The following MSI2 variants were observed in gnomAD, a reference collection of about 807,000 sequenced individuals.
MSI2 encodes the protein RNA-binding protein Musashi homolog 2.
MSI2 carries 17 observed loss-of-function variants against 45.6 expected under a neutral mutation model. That is an observed-to-expected ratio of 0.37 (90% CI 0.26 to 0.56). The LOEUF (loss-of-function observed/expected upper bound fraction) is 0.56. MSI2 is among the 20% of genes least tolerant of loss of function. The probability of loss-of-function intolerance (pLI) is 0.77; values close to 1 mark genes in which losing one functional copy is unlikely to be tolerated. For synonymous variants in MSI2, 156 were observed against 158.2 expected, an observed-to-expected ratio of 0.99 and a Z score of 0.11; for missense variants, 293 against 444.2, an observed-to-expected ratio of 0.66 and a Z score of 3.06.
intron 7 of MSI2, among the ~76,000 whole-genome samples, chr17:57,547,179 C>T (rs180720596): frequency 3.3e-5 from 5 of 152,226 alleles, no homozygotes; most frequent in African/African-American, 9.6e-5. Context: ...GTTGGTAGGA[C>T]AGGTGGAGGG....
intron 5 of MSI2, among the ~76,000 whole-genome samples, chr17:57,268,986 G>A (rs1364182930): frequency 6.6e-6 from 1 of 152,168 alleles, no homozygotes; most frequent in South Asian, 2.1e-4. Flanking sequence ...TTAGCTCCAG[G>A]TTGGGAGGAG....
intron 6 of MSI2, among the ~76,000 whole-genome samples, chr17:57,418,789 A>G (rs1426637128): frequency 6.6e-6 from 1 of 152,216 alleles, no homozygotes; most frequent in Non-Finnish European, 1.5e-5. Context: ...GGTGGTAATC[A>G]CTTTTCTAAA....
In MSI2 at chr17:57,681,941, TC is replaced by T; in HGVS notation, c.*2429del. 4.7e-6 allele frequency: 1 copy of T among 211,646 alleles called. No individual in the cohort carries two copies. The highest frequency in any genetic ancestry group is 7.1e-5 in the East Asian group (1 of 14,120). The allele number at this position is 211,646 out of a possible 1,614,324, so 13.1% of individuals were successfully genotyped here. On this transcript the variant is annotated 3_prime_UTR_variant, in exon 14 of 14. Transcript: ENST00000284073. ...TGTACTTCCCTTCCTTTTCTCTGCA[TC>T]CCCCATCACCTCATAGAAGACTCTT...
Position 57,430,542 on chromosome 17 carries a change from G to A in MSI2, c.405+29071G>A, listed in dbSNP as rs1486793373. Among the ~76,000 whole-genome samples, 13 of 152,182 alleles carry A rather than the reference G, an allele frequency of 8.5e-5. No individual in the cohort carries two copies. The South Asian group carries it at 1.5e-3, about 17-fold the overall frequency. On this transcript the variant is annotated intron_variant, in intron 6 of 13. Transcript: ENST00000284073. ...TTCCTTCATTCACTCAAAAGTTCTC[G>A]TTAATATGCATGCCTCTAAAGCAAT...
intron 11 of MSI2, among the ~76,000 whole-genome samples, chr17:57,662,783 T>C (rs538111477): frequency 1.4e-3 from 217 of 152,314 alleles, no homozygotes; most frequent in African/African-American, 4.6e-3. Flanking sequence ...TAAGTATTTT[T>C]TGCACCTGCT....
At chr17:57,343,568 C>G (rs980026355) in intron 5 of MSI2, among the ~76,000 whole-genome samples, 8 of 152,094 alleles carry the variant, frequency 5.3e-5, no homozygotes, top group African/African-American at 1.9e-4. Context: ...ATTCCCTTAC[C>G]AACTTCAGTC....
chr17:57,273,580 A>G (rs2143301347), intron 5 of MSI2, among the ~76,000 whole-genome samples: 2 of 152,148 alleles, frequency 1.3e-5, no homozygotes, highest in East Asian at 3.9e-4. Context: ...CACTTGCTGA[A>G]AGAATTCAAT....
At chr17:57,528,032 A>G (rs1416803745) in intron 6 of MSI2, among the ~76,000 whole-genome samples, 2 of 152,252 alleles carry the variant, frequency 1.3e-5, no homozygotes, top group South Asian at 2.1e-4. Flanking sequence ...AACGGTGCTC[A>G]GTCCTTCTTA....
At chr17:57,440,756 T>C (rs1179283729) in intron 6 of MSI2, 1 of 151,932 alleles carries the variant, frequency 6.6e-6, no homozygotes, top group Non-Finnish European at 1.5e-5. Flanking sequence ...ACTGAGGAGG[T>C]GGGGAAGCAG....
chr17:57,263,308 G>A (rs965194271), intron 5 of MSI2, among the ~76,000 whole-genome samples: 14 of 152,068 alleles, frequency 9.2e-5, no homozygotes, highest in African/African-American at 3.4e-4. Flanking sequence ...CTTTTTTAAA[G>A]ATGGAAACAC....
At chr17:57,265,420 A>T (rs1907681599) in intron 5 of MSI2, 1 of 152,230 alleles carries the variant, frequency 6.6e-6, no homozygotes, top group African/African-American at 2.4e-5. Context: ...TTAAAACAAG[A>T]CTAGTGGAAA....
intron 7 of MSI2, among the ~76,000 whole-genome samples, chr17:57,574,507 A>T (rs534338136): frequency 9.2e-5 from 14 of 152,284 alleles, no homozygotes; most frequent in Non-Finnish European, 1.6e-4. Context: ...CAGGTCAAGG[A>T]TGCAATTCTG....
the MSI2 span, among the ~76,000 whole-genome samples, chr17:57,690,799 A>T: frequency 6.6e-6 from 1 of 152,226 alleles, no homozygotes; most frequent in Admixed American, 6.5e-5. Context: ...AATCCAATTT[A>T]TCAATCTTTT....
intron 6 of MSI2, among the ~76,000 whole-genome samples, chr17:57,486,246 T>A (rs1044619261): frequency 6.6e-6 from 1 of 152,230 alleles, no homozygotes; most frequent in African/African-American, 2.4e-5. Context: ...AACAGGTTCA[T>A]AAGCGTTTGT....
rs985736583 is a variant in MSI2 at position 57,652,703 on chromosome 17, A to G, written c.790+542A>G. Among the ~76,000 whole-genome samples, 5 of 151,674 alleles carry G rather than the reference A, an allele frequency of 3.3e-5. No individual in the cohort carries two copies. The highest frequency in any genetic ancestry group is 1.2e-4 in the African/African-American group (5 of 41,240). ...TTTCTGGAGCCGCTGTGCCTCCCAG[A>G]CTCTTCTTAGCCAGACTCCTCAGCT... On this transcript the variant is annotated intron_variant, in intron 11 of 13. Coordinates refer to ENST00000284073, the MANE Select transcript of MSI2 (RefSeq NM_138962.4). This position sits in a 1 kb window ranked among gnomAD's most constrained non-coding sequence, Gnocchi z 4.1.
intron 11 of MSI2, among the ~76,000 whole-genome samples, chr17:57,654,371 C>T (rs555130551): frequency 2.5e-4 from 38 of 152,344 alleles, no homozygotes; most frequent in African/African-American, 9.1e-4. Context: ...GGAAAGGAAG[C>T]GTTCTGCCTT....
chr17:57,591,193 A>G (rs1221281498), intron 7 of MSI2, among the ~76,000 whole-genome samples: 1 of 152,064 alleles, frequency 6.6e-6, no homozygotes, highest in Non-Finnish European at 1.5e-5. Context: ...CCTCAGTTTG[A>G]TGGGCCTTCA....
intron 6 of MSI2, among the ~76,000 whole-genome samples, chr17:57,406,235 T>C (rs1483879595): frequency 1.3e-5 from 2 of 152,092 alleles, no homozygotes; most frequent in African/African-American, 2.4e-5. Context: ...GATATGCCCG[T>C]GTAGACCCTG....
rs185537386 is a variant in MSI2 at position 57,341,696 on chromosome 17, T to G, written c.313-59683T>G. ...TTCTTGCTTGTATTGTACACCTTAGTGTGTTTTTTCTTTTCTTGCTTTATT... is the reference window on the plus strand; with the variant it reads ...TTCTTGCTTGTATTGTACACCTTAGGGTGTTTTTTCTTTTCTTGCTTTATT... On this transcript the variant is annotated intron_variant, in intron 5 of 13. Coordinates refer to ENST00000284073, the MANE Select transcript of MSI2 (RefSeq NM_138962.4). Among the ~76,000 whole-genome samples, 12 of 152,362 alleles carry G rather than the reference T, an allele frequency of 7.9e-5. No individual in the cohort carries two copies. In the East Asian group the frequency reaches 2.1e-3, roughly 27 times the overall value.
Sources: allele counts gnomAD v4.1 joint callset (sites outside exome capture counted in the v4.1 genomes callset), GRCh38; gene constraint gnomAD v4.1.1; non-coding constraint Gnocchi (gnomAD v3.1); transcripts MANE v1.5; gene names NCBI Gene and HGNC (gene_info 2026-07-23, HGNC 2026-07-21).